RASGRP3: variants seen among roughly 807,000 people sequenced by gnomAD.
RASGRP3 encodes ras guanyl-releasing protein 3.
In RASGRP3, 54 loss-of-function variants were observed where a neutral mutation model predicts 82.7. The observed-to-expected ratio is 0.65, with a 90% confidence interval of 0.52 to 0.82. The LOEUF is 0.82. RASGRP3 is among the 40% of genes least tolerant of loss of function. The pLI is 0.00. For synonymous variants in RASGRP3, 309 were observed against 300.5 expected, an observed-to-expected ratio of 1.03 and a Z score of -0.29; for missense variants, 861 against 828.9, an observed-to-expected ratio of 1.04 and a Z score of -0.48.
chr2:33,467,117 A>T (rs914877528), intron 2 of RASGRP3, among the ~76,000 whole-genome samples: 1 of 152,000 alleles, frequency 6.6e-6, no homozygotes, highest in Non-Finnish European at 1.5e-5. Flanking sequence ...AATAATTATG[A>T]TTACTTCTAT....
At chr2:33,506,578 A>T (rs774360932) in intron 1 of RASGRP3, among the ~76,000 whole-genome samples, 1 of 152,212 alleles carries the variant, frequency 6.6e-6, no homozygotes, top group African/African-American at 2.4e-5. Context: ...ATCCAGGACA[A>T]TGTTGATTAT....
chr2:33,516,466 T>G (rs1558471701), intron 3 of RASGRP3, 76 bp from the exon 4 acceptor site: 1 of 952,056 alleles, frequency 1.1e-6, no homozygotes. Flanking sequence ...ATGACACTAC[T>G]GCGTCTCTAC....
chr2:33,501,115 C>T (rs1027678314), intron 1 of RASGRP3, among the ~76,000 whole-genome samples: 12 of 152,152 alleles, frequency 7.9e-5, no homozygotes, highest in Non-Finnish European at 4.4e-5. Flanking sequence ...CACTAATCTC[C>T]TTTCTGTCGC....
intron 4 of RASGRP3, among the ~76,000 whole-genome samples, chr2:33,518,252 A>G (rs148526060): frequency 8.2e-4 from 125 of 152,370 alleles, no homozygotes; most frequent in African/African-American, 2.9e-3. Flanking sequence ...ACAAACCTGT[A>G]CAGCATGTCG....
intron 14 of RASGRP3, among the ~76,000 whole-genome samples, chr2:33,550,675 C>T (rs979407062): frequency 3.9e-5 from 6 of 152,288 alleles, no homozygotes; most frequent in Non-Finnish European, 7.4e-5. Context: ...AGAGCTCAGT[C>T]GTGTTAGCTT....
intron 2 of RASGRP3, among the ~76,000 whole-genome samples, chr2:33,460,862 C>T (rs996875788): frequency 2.0e-5 from 3 of 152,120 alleles, no homozygotes; most frequent in African/African-American, 7.2e-5. Flanking sequence ...GAGTCCTGCT[C>T]ATCTTATTTT....
chr2:33,522,464 A>G (rs1422657113), intron 7 of RASGRP3, among the ~76,000 whole-genome samples: 4 of 152,212 alleles, frequency 2.6e-5, no homozygotes, highest in African/African-American at 9.7e-5. Context: ...ATATTTAGTT[A>G]GGTTCGGATT....
In RASGRP3 at chr2:33,534,484, A is replaced by G. The variant is rs1007721121; in HGVS notation, c.1161+84A>G. 1.1e-5 allele frequency: 10 copies of G among 891,872 alleles called. No homozygotes were observed. In the African/African-American group the frequency reaches 1.4e-4, roughly 12 times the overall value. The allele number at this position is 891,872 out of a possible 1,614,324, so 55.2% of individuals were successfully genotyped here. A position where few individuals can be genotyped will look rare whatever the true frequency, so the allele number is the denominator to read the frequency against. ...TAATTGGCTATTACAATGCTGCTTT[A>G]TGTTCTAAAACGGAAGAATTTTAAA... is the stretch of plus-strand genomic sequence containing the variant. On this transcript the variant is annotated intron_variant, in intron 11 of 17. Coordinates refer to ENST00000403687, the MANE Select transcript of RASGRP3 (RefSeq NM_001139488.2).
chr2:33,546,543 G>T (rs936066212), intron 13 of RASGRP3, among the ~76,000 whole-genome samples: 1 of 152,018 alleles, frequency 6.6e-6, no homozygotes. Flanking sequence ...GCAGTATGGC[G>T]ATTCCTCAAG....
At chr2:33,516,720 C>T (rs1293777211) in intron 4 of RASGRP3, 76 bp downstream of exon 4, 3 of 1,003,894 alleles carry the variant, frequency 3.0e-6, no homozygotes, top group Admixed American at 2.3e-5. Flanking sequence ...CTATCCAAAG[C>T]CAGTAAATTA....
chr2:33,561,358 C>A (rs553879593), intron 17 of RASGRP3, among the ~76,000 whole-genome samples: 1 of 152,194 alleles, frequency 6.6e-6, no homozygotes. Flanking sequence ...TAAGCCATCG[C>A]GCCCAGCTGT....
chr2:33,469,070 C>T (rs553481751), intron 2 of RASGRP3, among the ~76,000 whole-genome samples: 1 of 152,232 alleles, frequency 6.6e-6, no homozygotes, highest in East Asian at 1.9e-4. Flanking sequence ...TAAATTGTAT[C>T]TTATCGTTGT....
chr2:33,523,659 G>C (rs942142020), intron 7 of RASGRP3, among the ~76,000 whole-genome samples: 1 of 152,056 alleles, frequency 6.6e-6, no homozygotes, highest in African/African-American at 2.4e-5. Context: ...GTGTAGTAGT[G>C]GGTGTCTTTG....
At chr2:33,498,792 G>T (rs181194982) in intron 1 of RASGRP3, among the ~76,000 whole-genome samples, 2 of 151,932 alleles carry the variant, frequency 1.3e-5, no homozygotes, top group Non-Finnish European at 2.9e-5. Context: ...CTTTCGTAAT[G>T]CCCCTGATCA....
chr2:33,515,064 A>G lies in RASGRP3; in HGVS notation c.-73A>G. The G allele has an allele frequency of 2.1e-6, 3 of 1,422,060 alleles. No individual in the cohort carries two copies. Among genetic ancestry groups the G allele is most frequent in the South Asian group, 1.1e-5 (1 of 87,094 alleles). The allele number at this position is 1,422,060 out of a possible 1,614,324, so 88.1% of individuals were successfully genotyped here. ...TCACCACTAGGCACTAACATCGCTG[A>G]CTTGCATGATTATGGAGATGGTCTA... On this transcript the variant is annotated 5_prime_UTR_variant, in exon 3 of 18. Coordinates refer to ENST00000403687, the MANE Select transcript of RASGRP3 (RefSeq NM_001139488.2).
intron 11 of RASGRP3, among the ~76,000 whole-genome samples, chr2:33,536,607 A>G (rs557171261): frequency 6.6e-6 from 1 of 152,106 alleles, no homozygotes; most frequent in African/African-American, 2.4e-5. Context: ...AACATAGAAA[A>G]GTCTTTTTAT....
In RASGRP3 at chr2:33,564,211, G is replaced by A. The variant is rs1311437059; in HGVS notation, c.*1474G>A. On this transcript the variant is annotated 3_prime_UTR_variant, in exon 18 of 18. Transcript: ENST00000403687. ...AAAAACTTGGTCTTAGCCCTTGGGA[G>A]CTGACAGCCCATGGGCATTAAGGCA... 2 of 152,198 alleles carry A rather than the reference G, an allele frequency of 1.3e-5. No individual in the cohort carries two copies. The highest frequency in any genetic ancestry group is 4.8e-5 in the African/African-American group (2 of 41,446). The allele number at this position is 152,198 out of a possible 1,614,324, so 9.4% of individuals were successfully genotyped here.
chr2:33,553,194 C>A (rs1675544212), intron 14 of RASGRP3, among the ~76,000 whole-genome samples: 1 of 152,088 alleles, frequency 6.6e-6, no homozygotes, highest in African/African-American at 2.4e-5. Context: ...CACCTCAGTG[C>A]CTTTGCTCAC....
chr2:33,443,334 A>G (rs1222574077), intron 1 of RASGRP3, among the ~76,000 whole-genome samples: 1 of 152,192 alleles, frequency 6.6e-6, no homozygotes, highest in Non-Finnish European at 1.5e-5. Flanking sequence ...ATGGGTTATC[A>G]ATTAGGAAAC....
Sources: allele counts gnomAD v4.1 joint callset (sites outside exome capture counted in the v4.1 genomes callset), GRCh38; gene constraint gnomAD v4.1.1; transcripts MANE v1.5; gene names NCBI Gene and HGNC (gene_info 2026-07-23, HGNC 2026-07-21).